REC114: variants seen among roughly 807,000 people sequenced by gnomAD.
The protein encoded by REC114 is meiotic recombination protein REC114.
In REC114, 27 loss-of-function variants were observed where a neutral mutation model predicts 31.3. The observed-to-expected ratio is 0.86, with a 90% CI of 0.64 to 1.19. REC114 has a LOEUF of 1.19. Among genes scored for constraint, REC114 ranks in the 50% most tolerant of loss-of-function variants. The pLI is 0.00. For missense variants in REC114, 344 were observed against 326.9 expected, an observed-to-expected ratio of 1.05 and a Z score of -0.40; for synonymous variants, 134 against 127.7, an observed-to-expected ratio of 1.05 and a Z score of -0.33.
At chr15:73,552,129 C>T (rs551757176) in intron 4 of REC114, among the ~76,000 whole-genome samples, 2 of 152,284 alleles carry the variant, frequency 1.3e-5, no homozygotes, top group East Asian at 3.9e-4. Context: ...AACAGTATAA[C>T]AAGTTTATTG....
At chr15:73,545,064 C>A (rs1424422688) in intron 3 of REC114, among the ~76,000 whole-genome samples, 1 of 152,184 alleles carries the variant, frequency 6.6e-6, no homozygotes, top group African/African-American at 2.4e-5. Flanking sequence ...TACCTGTGAG[C>A]CAGCACTTAG....
intron 5 of REC114, 84 bp downstream of exon 5, chr15:73,556,475 T>C (rs1894470209): frequency 9.6e-6 from 11 of 1,140,774 alleles, no homozygotes; most frequent in Non-Finnish European, 1.4e-5. Flanking sequence ...CAATTCTTTG[T>C]TTTAGGAGAG....
At chr15:73,493,109 T>C (rs1186587679) in intron 2 of REC114, among the ~76,000 whole-genome samples, 1 of 152,076 alleles carries the variant, frequency 6.6e-6, no homozygotes, top group East Asian at 1.9e-4. Context: ...CTTGAATTCC[T>C]GGGCTCAAGA....
chr15:73,480,391 T>C (rs1239273480), intron 2 of REC114, among the ~76,000 whole-genome samples: 1 of 151,846 alleles, frequency 6.6e-6, no homozygotes, highest in Non-Finnish European at 1.5e-5. Flanking sequence ...AATTTTCAAT[T>C]ACTGAATCAA....
intron 4 of REC114, among the ~76,000 whole-genome samples, chr15:73,555,072 T>C (rs1253069770): frequency 6.6e-6 from 1 of 152,232 alleles, no homozygotes; most frequent in Non-Finnish European, 1.5e-5. Flanking sequence ...TTCCTCACTG[T>C]ACCTCCACCC....
chr15:73,513,318 G>A (rs1233874078), intron 2 of REC114, among the ~76,000 whole-genome samples: 1 of 151,518 alleles, frequency 6.6e-6, no homozygotes, highest in Non-Finnish European at 1.5e-5. Context: ...GCACTTCTCT[G>A]TATTGGTTAT....
chr15:73,485,258 A>G (rs1400935329), intron 2 of REC114, among the ~76,000 whole-genome samples: 2 of 151,950 alleles, frequency 1.3e-5, no homozygotes, highest in Non-Finnish European at 2.9e-5. Context: ...TAAGTTTTGT[A>G]TTTTTAGTAG....
At chr15:73,548,190 C>T (rs1379155948) in intron 3 of REC114, among the ~76,000 whole-genome samples, 2 of 152,096 alleles carry the variant, frequency 1.3e-5, no homozygotes, top group Admixed American at 6.5e-5. Flanking sequence ...CTCACTGCAA[C>T]CTCCACCTCC....
chr15:73,467,703 G>T (rs969853698), intron 1 of REC114, among the ~76,000 whole-genome samples: 2 of 152,122 alleles, frequency 1.3e-5, no homozygotes, highest in African/African-American at 4.8e-5. Flanking sequence ...GATTGGGATT[G>T]GATAGATCAA....
chr15:73,525,507 A>G (rs185314180), intron 2 of REC114, among the ~76,000 whole-genome samples: 5 of 151,890 alleles, frequency 3.3e-5, no homozygotes, highest in Admixed American at 3.3e-4. Flanking sequence ...TTTTCACTAT[A>G]TATCCCAATT....
At chr15:73,520,829 A>C (rs1040310749) in intron 2 of REC114, among the ~76,000 whole-genome samples, 1 of 152,206 alleles carries the variant, frequency 6.6e-6, no homozygotes, top group South Asian at 2.1e-4. Flanking sequence ...TGTTTATTAG[A>C]AATTAACCCA....
At chr15:73,539,457 C>CTTTTTTTTTTTTTT (rs58815458) in intron 2 of REC114, among the ~76,000 whole-genome samples, 2 of 104,320 alleles carry the variant, frequency 1.9e-5, no homozygotes, top group Non-Finnish European at 3.7e-5. Flanking sequence ...CGCCCGGCTA[C>CTTTTTTTTTTTTTT]TTTTTTTTTT....
chr15:73,488,024 G>T (rs1233117004), intron 2 of REC114, among the ~76,000 whole-genome samples: 1 of 152,156 alleles, frequency 6.6e-6, no homozygotes, highest in Admixed American at 6.5e-5. Flanking sequence ...CTGGAGTGGT[G>T]GCCAGAGCTG....
At chr15:73,543,942 C>CTTTTTTTTT (rs34215297) in intron 3 of REC114, among the ~76,000 whole-genome samples, 2 of 74,132 alleles carry the variant, frequency 2.7e-5, no homozygotes, top group Non-Finnish European at 4.9e-5. Flanking sequence ...TGTTAACTGG[C>CTTTTTTTTT]TTTTTTTTTT....
rs1893169956 is a variant in REC114 at position 73,473,842 on chromosome 15, C to G, written c.170C>G (p.Ser57Cys). ...CTTCTCCCTTTCAAGGTTTTTGATT[C>G]CAATGAAGAATCTGGATATCTTGTT... ...APCPTWKVFD[S>C]NEESGYLVLT... The change falls in exon 2 of 6, where the codon TCC becomes TGC. Residue 57 changes from serine to cysteine, a missense_variant. Transcript: ENST00000331090. 1.9e-6 allele frequency: 3 copies of G among 1,569,030 alleles called. No individual in the cohort carries two copies. Among genetic ancestry groups the G allele is most frequent in the Non-Finnish European group, 2.6e-6 (3 of 1,153,240 alleles).
intron 2 of REC114, among the ~76,000 whole-genome samples, chr15:73,487,566 T>C (rs911276347): frequency 6.6e-6 from 1 of 152,248 alleles, no homozygotes; most frequent in East Asian, 1.9e-4. Flanking sequence ...TTTGACTTCA[T>C]ATCCTACTTT....
intron 2 of REC114, among the ~76,000 whole-genome samples, chr15:73,503,290 A>G (rs1239947385): frequency 1.3e-5 from 2 of 152,206 alleles, no homozygotes; most frequent in Non-Finnish European, 1.5e-5. Flanking sequence ...CAGTGTTTCA[A>G]CTGAGTTGTG....
chr15:73,460,839 A>G (rs910524174), intron 1 of REC114, among the ~76,000 whole-genome samples: 14 of 152,240 alleles, frequency 9.2e-5, no homozygotes, highest in Middle Eastern at 3.4e-3. Flanking sequence ...TTACATGGAA[A>G]GTGTTTTGAG....
At chr15:73,507,554 TG>T (rs1329018753) in intron 2 of REC114, among the ~76,000 whole-genome samples, 2 of 152,132 alleles carry the variant, frequency 1.3e-5, no homozygotes, top group Non-Finnish European at 2.9e-5. Flanking sequence ...AGGACAGAAA[TG>T]AGAAGAGGAT....
Sources: allele counts gnomAD v4.1 joint callset (sites outside exome capture counted in the v4.1 genomes callset), GRCh38; gene constraint gnomAD v4.1.1; transcripts MANE v1.5; gene names NCBI Gene and HGNC (gene_info 2026-07-23, HGNC 2026-07-21).